STXBP5: variants seen among roughly 807,000 people sequenced by gnomAD.
STXBP5 encodes the protein syntaxin-binding protein 5.
Under a neutral mutation model 152.4 loss-of-function variants are expected in STXBP5, and 50 were observed. The ratio of observed to expected loss-of-function variants is 0.33; its 90% confidence interval spans 0.26 to 0.42. The LOEUF (loss-of-function observed/expected upper bound fraction) is 0.42. STXBP5 is among the 10% of genes least tolerant of loss of function. The pLI is 1.00. For missense variants in STXBP5, 1,167 were observed against 1,388.6 expected (o/e 0.84, Z 2.54); for synonymous variants, 492 against 494.7 (o/e 0.99, Z 0.07).
intron 21 of STXBP5, among the ~76,000 whole-genome samples, chr6:147,341,503 A>C (rs1329163139): frequency 1.3e-5 from 2 of 152,174 alleles, no homozygotes; most frequent in Non-Finnish European, 2.9e-5. Flanking sequence ...TTCAACTTAT[A>C]GGTAGTTATA....
In STXBP5 at chr6:147,208,887, A is replaced by C. The variant is rs1402985659; in HGVS notation, c.248+2819A>C. ...CTTAATCCTTTAATAATACATAACA[A>C]ATTATGAGGCAAAATAAATTAAATG... On this transcript the variant is annotated intron_variant, in intron 2 of 27. Transcript: ENST00000321680. Among the ~76,000 whole-genome samples the C allele has an allele frequency of 3.9e-5, 6 of 152,276 alleles. No homozygotes were observed. In the East Asian group the frequency reaches 1.2e-3, roughly 29 times the overall value.
In STXBP5 at chr6:147,327,296, A is replaced by C; in HGVS notation, c.2080+20A>C. The C allele has an allele frequency of 6.3e-7, 1 of 1,595,892 alleles. No homozygotes were observed. The highest frequency in any genetic ancestry group is 1.1e-5 in the South Asian group (1 of 87,254). On this transcript the variant is annotated intron_variant, in intron 18 of 27. Coordinates refer to ENST00000321680, the MANE Select transcript of STXBP5 (RefSeq NM_001127715.4). ...CAGGAGGTAAAAAGAAAAGAAAAGA[A>C]AATTCTGAGCTTTAGGATTTCTATA...
chr6:147,384,674 G>A (rs751552725), intron 27 of STXBP5, 40 bp from the exon 28 acceptor site: 7 of 1,577,042 alleles, frequency 4.4e-6, no homozygotes, highest in Non-Finnish European at 5.2e-6. Flanking sequence ...TATTGTTCCG[G>A]CATTTTAAAA....
At chr6:147,305,224 T>G (rs1258285556) in intron 9 of STXBP5, among the ~76,000 whole-genome samples, 3 of 152,200 alleles carry the variant, frequency 2.0e-5, no homozygotes, top group African/African-American at 7.2e-5. Flanking sequence ...CAGTTTGTGT[T>G]TGTTTGTTTT....
At chr6:147,295,141 G>T (rs1285670264) in intron 9 of STXBP5, among the ~76,000 whole-genome samples, 1 of 152,182 alleles carries the variant, frequency 6.6e-6, no homozygotes, top group African/African-American at 2.4e-5. Context: ...ATAGGTGTTT[G>T]ATAACTCTAG....
chr6:147,379,058 C>T (rs1785947945), intron 26 of STXBP5, among the ~76,000 whole-genome samples: 1 of 151,764 alleles, frequency 6.6e-6, no homozygotes, highest in African/African-American at 2.4e-5. Flanking sequence ...AGGCCAACAA[C>T]CTTGCATATC....
chr6:147,382,255 A>C (rs1786122353), intron 26 of STXBP5, among the ~76,000 whole-genome samples: 1 of 152,086 alleles, frequency 6.6e-6, no homozygotes, highest in African/African-American at 2.4e-5. Context: ...AAAGAAAAGA[A>C]TATAGCATGC....
intron 21 of STXBP5, among the ~76,000 whole-genome samples, chr6:147,350,689 A>G (rs1784550733): frequency 6.6e-6 from 1 of 152,156 alleles, no homozygotes; most frequent in Non-Finnish European, 1.5e-5. Context: ...AAGGAACATT[A>G]GGTTATTCGC....
At chr6:147,314,115 A>G (rs748872648) in intron 12 of STXBP5, 84 bp downstream of exon 12, 6 of 1,501,106 alleles carry the variant, frequency 4.0e-6, no homozygotes, top group Non-Finnish European at 5.4e-6. Flanking sequence ...ATAACATTAT[A>G]CCTTTTCTAT....
chr6:147,353,199 A>G (rs926704739), intron 21 of STXBP5, 124 bp from the exon 22 acceptor site: 4 of 581,874 alleles, frequency 6.9e-6, no homozygotes, highest in Non-Finnish European at 5.9e-6. Context: ...AATATTACTC[A>G]TCTTTTATTT....
chr6:147,330,798 A>G (rs558428112), intron 18 of STXBP5, among the ~76,000 whole-genome samples: 22 of 152,346 alleles, frequency 1.4e-4, no homozygotes, highest in African/African-American at 4.6e-4. Context: ...TACCTAGTTC[A>G]GTTTAATGAT....
intron 21 of STXBP5, 46 bp downstream of exon 21, chr6:147,339,430 C>T: frequency 2.2e-6 from 3 of 1,367,798 alleles, no homozygotes; most frequent in East Asian, 2.6e-5. Flanking sequence ...TTGCTATATG[C>T]AGTGCTAACC....
Position 147,390,076 on chromosome 6 carries a change from G to A in STXBP5, c.*5321G>A, listed in dbSNP as rs929472605. 3 of 151,900 alleles carry A rather than the reference G, an allele frequency of 2.0e-5. No homozygotes were observed. The highest frequency in any genetic ancestry group is 7.2e-5 in the African/African-American group (3 of 41,420). The allele number at this position is 151,900 out of a possible 1,614,324, so 9.4% of individuals were successfully genotyped here. ...ATACCTTAAACTGTAACTTGCAGGT[G>A]TTTTTCAGTTGCTGCACTTTTTATT... On this transcript the variant is annotated 3_prime_UTR_variant, in exon 28 of 28. Coordinates refer to ENST00000321680, the MANE Select transcript of STXBP5 (RefSeq NM_001127715.4).
rs933650200 is a variant in STXBP5, at chr6:147,389,311, AAAG to A, written c.*4557_*4559del. On this transcript the variant is annotated 3_prime_UTR_variant, in exon 28 of 28. Coordinates refer to ENST00000321680, the MANE Select transcript of STXBP5 (RefSeq NM_001127715.4). The stretch of plus-strand genomic sequence containing the variant: ...ACCAAAAACAACCAAAAAAAGAAAA[AAAG>A]GGAAAACTGGCTTACCTTTCTCAGA... The A allele has an allele frequency of 2.6e-5, 4 of 151,804 alleles. No individual in the cohort carries two copies. Among genetic ancestry groups the A allele is most frequent in the Non-Finnish European group, 5.9e-5 (4 of 67,764 alleles). 9.4% of individuals were successfully genotyped at this position (151,804 alleles called of 1,614,324 possible). A position where few individuals can be genotyped will look rare whatever the true frequency, so the allele number is the denominator to read the frequency against.
intron 26 of STXBP5, 33 bp downstream of exon 26, chr6:147,373,875 C>G: frequency 6.5e-7 from 1 of 1,528,930 alleles, no homozygotes; most frequent in Non-Finnish European, 9.0e-7. Context: ...GATAATATAT[C>G]TATAAAACAG....
chr6:147,215,683 A>G (rs1403768492), intron 2 of STXBP5, among the ~76,000 whole-genome samples: 5 of 152,128 alleles, frequency 3.3e-5, no homozygotes, highest in Non-Finnish European at 7.4e-5. Context: ...CGCCGAGCCA[A>G]TTTTTTAATC....
At chr6:147,266,902 T>C (rs928046715) in intron 6 of STXBP5, among the ~76,000 whole-genome samples, 182 bp from the exon 7 acceptor site, 3 of 152,156 alleles carry the variant, frequency 2.0e-5, no homozygotes, top group African/African-American at 7.2e-5. Context: ...GACATATAAA[T>C]ATGCCATACA....
intron 2 of STXBP5, among the ~76,000 whole-genome samples, chr6:147,228,949 T>C (rs767215645): frequency 3.3e-5 from 5 of 152,144 alleles, no homozygotes; most frequent in Non-Finnish European, 7.4e-5. Flanking sequence ...ATTCTTTACA[T>C]GATCAACATT....
chr6:147,300,374 C>T (rs776311401), intron 9 of STXBP5, among the ~76,000 whole-genome samples: 36 of 151,916 alleles, frequency 2.4e-4, no homozygotes, highest in Non-Finnish European at 3.7e-4. Flanking sequence ...ACACAAAACA[C>T]GGTGCTGAAG....
Sources: allele counts gnomAD v4.1 joint callset (sites outside exome capture counted in the v4.1 genomes callset), GRCh38; gene constraint gnomAD v4.1.1; transcripts MANE v1.5; gene names NCBI Gene and HGNC (gene_info 2026-07-23, HGNC 2026-07-21).